Variants in CCDC171 observed in about 807,000 individuals in gnomAD.
CCDC171 encodes the protein coiled-coil domain containing 171.
A neutral mutation model predicts 168.2 loss-of-function variants in CCDC171; 177 were observed. The ratio of observed to expected loss-of-function variants is 1.05; its 90% confidence interval spans 0.93 to 1.19. The LOEUF is 1.19. Among genes scored for constraint, CCDC171 ranks in the 50% most tolerant of loss-of-function variants. The pLI is 0.00. For missense variants in CCDC171, 1,991 were observed against 1,539.0 expected (o/e 1.29, Z -4.91); for synonymous variants, 687 against 540.8 (o/e 1.27, Z -3.75).
chr9:15,648,238 G>T (rs1242364669), intron 7 of CCDC171, among the ~76,000 whole-genome samples: 1 of 152,082 alleles, frequency 6.6e-6, no homozygotes, highest in Non-Finnish European at 1.5e-5. Context: ...GGTATTGATG[G>T]GACGTATCTC....
At chr9:15,855,273 T>C (rs2061306271) in intron 23 of CCDC171, among the ~76,000 whole-genome samples, 1 of 151,856 alleles carries the variant, frequency 6.6e-6, no homozygotes, top group Non-Finnish European at 1.5e-5. Flanking sequence ...TATATCTTCT[T>C]GATGGATTGA....
intron 6 of CCDC171, among the ~76,000 whole-genome samples, chr9:16,023,169 T>G (rs376925747): frequency 3.4e-4 from 51 of 152,092 alleles, no homozygotes; most frequent in African/African-American, 1.2e-3. Context: ...TCGGGTTCAT[T>G]GTATTCTGTT....
At chr9:15,605,703 A>G (rs1024219577) in intron 6 of CCDC171, among the ~76,000 whole-genome samples, 10 of 151,816 alleles carry the variant, frequency 6.6e-5, no homozygotes, top group Non-Finnish European at 1.5e-4. Flanking sequence ...AAAAAGAAAA[A>G]AAAAAGTCCC....
intron 24 of CCDC171, chr9:15,875,591 C>G (rs1817734232): frequency 6.6e-6 from 1 of 151,884 alleles, no homozygotes; most frequent in South Asian, 2.1e-4. Context: ...TCTCTTAAAA[C>G]TTAGTGTGTC....
chr9:15,847,408 C>T (rs1466147688), intron 22 of CCDC171, among the ~76,000 whole-genome samples: 3 of 151,918 alleles, frequency 2.0e-5, no homozygotes, highest in Non-Finnish European at 4.4e-5. Flanking sequence ...TCAGAGTAGA[C>T]CACTATGTAA....
chr9:16,038,030 C>T (rs192117010), upstream of CCDC171, among the ~76,000 whole-genome samples: 1 of 152,084 alleles, frequency 6.6e-6, no homozygotes, highest in Admixed American at 6.5e-5. Flanking sequence ...AATACTGATG[C>T]CAAAAAGTTC....
At chr9:15,837,148 A>T (rs1362345149) in intron 21 of CCDC171, among the ~76,000 whole-genome samples, 1 of 152,116 alleles carries the variant, frequency 6.6e-6, no homozygotes, top group Admixed American at 6.5e-5. Context: ...TCCGTGTATT[A>T]TGCTGTTTGT....
chr9:15,626,248 A>G (rs925418071), intron 7 of CCDC171, among the ~76,000 whole-genome samples: 6 of 152,192 alleles, frequency 3.9e-5, no homozygotes, highest in Non-Finnish European at 8.8e-5. Context: ...ATATACAATC[A>G]CGTCATCTGA....
chr9:15,570,664 A>G (rs1284598834), intron 2 of CCDC171, among the ~76,000 whole-genome samples: 3 of 152,048 alleles, frequency 2.0e-5, no homozygotes, highest in Non-Finnish European at 4.4e-5. Context: ...ATCTTTAGGT[A>G]TTTTTCACCT....
rs1355596170 is a variant in CCDC171 at position 15,749,167 on chromosome 9, C to A, written c.2671+3536C>A. On this transcript the variant is annotated intron_variant, in intron 18 of 25. Transcript: ENST00000380701. Reference sequence around the variant, plus strand: ...GCAAAAAAAAAAAAAGCAGGTGTTGCTATTCTAGTCTCTGATACAACAGAC... The same window carrying A: ...GCAAAAAAAAAAAAAGCAGGTGTTGATATTCTAGTCTCTGATACAACAGAC... Among the ~76,000 whole-genome samples the A allele has an allele frequency of 2.0e-5, 3 of 150,806 alleles. No individual in the cohort carries two copies. In the South Asian group the frequency reaches 6.3e-4, roughly 32 times the overall value.
chr9:16,078,135 G>A, the CCDC171 span, among the ~76,000 whole-genome samples: 13,067 of 151,822 alleles, frequency 0.086, 1,765 homozygotes, highest in African/African-American at 0.29. Flanking sequence ...TGGCTTGATT[G>A]CGGTCATTTC....
chr9:15,764,772 T>C (rs969266444), intron 18 of CCDC171, among the ~76,000 whole-genome samples: 1 of 152,188 alleles, frequency 6.6e-6, no homozygotes, highest in Non-Finnish European at 1.5e-5. Context: ...GATGAAGTCA[T>C]GTAGGGTAGT....
intron 23 of CCDC171, among the ~76,000 whole-genome samples, chr9:15,865,057 G>A (rs1371451302): frequency 2.0e-5 from 3 of 151,956 alleles, no homozygotes; most frequent in Non-Finnish European, 1.5e-5. Flanking sequence ...AGATAAAACA[G>A]GAAATGACAA....
At chr9:15,967,975 G>T (rs1830968581) in intron 25 of CCDC171, among the ~76,000 whole-genome samples, 1 of 152,024 alleles carries the variant, frequency 6.6e-6, no homozygotes, top group South Asian at 2.1e-4. Flanking sequence ...ATTTATTTTT[G>T]TTTGAAAAAC....
chr9:15,869,780 A>G (rs1227889856), intron 23 of CCDC171, among the ~76,000 whole-genome samples: 1 of 151,794 alleles, frequency 6.6e-6, no homozygotes, highest in African/African-American at 2.4e-5. Flanking sequence ...GAGACGGTAT[A>G]CAGATTTCTG....
the CCDC171 span, among the ~76,000 whole-genome samples, chr9:16,089,602 C>A: frequency 3.3e-5 from 5 of 151,860 alleles, no homozygotes; most frequent in African/African-American, 4.8e-5. Context: ...ACATGGCTAG[C>A]CAGTTTTCCC....
intron 7 of CCDC171, among the ~76,000 whole-genome samples, chr9:15,630,511 C>G (rs565589623): frequency 6.6e-6 from 1 of 152,122 alleles, no homozygotes; most frequent in African/African-American, 2.4e-5. Flanking sequence ...TACAGGAGCA[C>G]GAAGATTCAT....
chr9:15,945,590 T>A (rs1236998098), intron 25 of CCDC171, among the ~76,000 whole-genome samples: 3 of 128,776 alleles, frequency 2.3e-5, no homozygotes, highest in Non-Finnish European at 5.0e-5. Flanking sequence ...TGTGAGATGA[T>A]ATCTCACTGT....
intron 3 of CCDC171, among the ~76,000 whole-genome samples, chr9:15,577,075 C>T (rs1446454050): frequency 6.6e-6 from 1 of 152,184 alleles, no homozygotes; most frequent in African/African-American, 2.4e-5. Context: ...GTTCTTCCTA[C>T]TTAATATCCA....
Sources: allele counts gnomAD v4.1 joint callset (sites outside exome capture counted in the v4.1 genomes callset), GRCh38; gene constraint gnomAD v4.1.1; transcripts MANE v1.5; gene names NCBI Gene and HGNC (gene_info 2026-07-23, HGNC 2026-07-21).